Variants in LRRD1 observed in about 807,000 individuals in gnomAD.
LRRD1 encodes the protein leucine rich repeats and death domain containing 1.
In LRRD1, 49 loss-of-function variants were observed where a neutral mutation model predicts 69.5. That is an observed-to-expected ratio of 0.70 (90% CI 0.56 to 0.89). LRRD1 has a LOEUF of 0.89. Among genes scored for constraint, LRRD1 ranks in the 40% least tolerant of loss-of-function variants. The pLI is 0.00. For synonymous variants in LRRD1, 303 were observed against 338.9 expected (o/e 0.89, Z 1.16); for missense variants, 853 against 956.0 (o/e 0.89, Z 1.42).
Position 92,167,903 on chromosome 7 carries a change from AAAAAAT to A in LRRD1, c.-74-2633_-74-2628del, listed in dbSNP as rs1315806964. On this transcript the variant is annotated intron_variant, in intron 1 of 5. Transcript: ENST00000458448. Reference sequence around the variant, plus strand: ...AAAAAAAAAAAAAAAAAAAAAAAAAAAAAAATAAGTTATTCTGCTCTAAGATTCTGT... The same window carrying A: ...AAAAAAAAAAAAAAAAAAAAAAAAAAAAGTTATTCTGCTCTAAGATTCTGT... Among the ~76,000 whole-genome samples, 476 of 143,514 alleles carry A rather than the reference AAAAAAT, an allele frequency of 3.3e-3. 22 individuals are homozygous for A. Among genetic ancestry groups the A allele is most frequent in the African/African-American group, 0.013 (456 of 35,660 alleles). The allele number at this position is 143,514 out of a possible 152,430, so 94.2% of individuals were successfully genotyped here.
At chr7:92,141,916 A>AGGCCGGGCG (rs1820157699), downstream of LRRD1, 1 of 152,314 alleles carries the variant, frequency 6.6e-6, no homozygotes, top group Non-Finnish European at 1.5e-5. Flanking sequence ...ATTATTTTTT[A>AGGCCGGGCG]AGGTAACAAA....
chr7:92,147,854 C>T (rs993180593), intron 4 of LRRD1, among the ~76,000 whole-genome samples: 16 of 152,136 alleles, frequency 1.1e-4, no homozygotes, highest in African/African-American at 3.4e-4. Context: ...ACTTCACCCC[C>T]GCAAGTAGCT....
At chr7:92,149,490 T>C (rs1176485194) in intron 4 of LRRD1, among the ~76,000 whole-genome samples, 1 of 152,154 alleles carries the variant, frequency 6.6e-6, no homozygotes, top group African/African-American at 2.4e-5. Flanking sequence ...AATTGGACAG[T>C]GAAGATTCCC....
intron 1 of LRRD1, among the ~76,000 whole-genome samples, chr7:92,167,524 T>A (rs1191268591): frequency 6.6e-6 from 1 of 151,750 alleles, no homozygotes; most frequent in Non-Finnish European, 1.5e-5. Flanking sequence ...AATAGAAAAA[T>A]TTTTAAAGTA....
downstream of LRRD1, chr7:92,142,303 G>A (rs1172067356): frequency 5.5e-6 from 2 of 361,288 alleles, no homozygotes; most frequent in Non-Finnish European, 1.1e-5. Context: ...GGAAACCCAG[G>A]TCACACTCCT....
chr7:92,153,186 T>G (rs2130990774), intron 3 of LRRD1, among the ~76,000 whole-genome samples: 1 of 152,176 alleles, frequency 6.6e-6, no homozygotes, highest in East Asian at 1.9e-4. Flanking sequence ...TGCCTCAGCC[T>G]CCCGAGTAGC....
chr7:92,176,907 A>G (rs1279163226), intron 1 of LRRD1, among the ~76,000 whole-genome samples: 1 of 150,868 alleles, frequency 6.6e-6, no homozygotes, highest in Non-Finnish European at 1.5e-5. Context: ...GGATAAGTCA[A>G]ACTTGGTTAT....
At chr7:92,146,029 G>T in intron 5 of LRRD1, 54 bp downstream of exon 5, 1 of 915,604 alleles carries the variant, frequency 1.1e-6, no homozygotes, top group Non-Finnish European at 1.6e-6. Context: ...ATATCAACAT[G>T]ATATACATCA....
intron 1 of LRRD1, among the ~76,000 whole-genome samples, chr7:92,174,498 TATATATATA>T (rs1563195785): frequency 1.0e-3 from 22 of 21,502 alleles, no homozygotes; most frequent in African/African-American, 2.8e-3. Flanking sequence ...TATATATATA[TATATATATA>T]TATTTTTTTT....
chr7:92,146,287 G>T (rs553691241), intron 4 of LRRD1, 87 bp from the exon 5 acceptor site: 7 of 671,104 alleles, frequency 1.0e-5, no homozygotes, highest in Non-Finnish European at 1.7e-5. Flanking sequence ...TCTTATTTCT[G>T]TGCTTCTATG....
chr7:92,144,698 C>A, downstream of LRRD1: 2 of 261,814 alleles, frequency 7.6e-6, no homozygotes, highest in South Asian at 1.5e-4. Context: ...ACAGAACAAA[C>A]ACACAAAACA....
At chr7:92,144,609 A>C (rs986601285), downstream of LRRD1, among the ~76,000 whole-genome samples, 3 of 148,100 alleles carry the variant, frequency 2.0e-5, no homozygotes, top group Non-Finnish European at 4.5e-5. Flanking sequence ...CCTGGGCAAC[A>C]AGAGCAAAAA....
intron 4 of LRRD1, 112 bp downstream of exon 4, chr7:92,150,422 G>T: frequency 1.1e-6 from 1 of 897,012 alleles, no homozygotes. Flanking sequence ...TCGTGATCAT[G>T]CCACTGCAGT....
At chr7:92,169,272 T>A (rs1788995527) in intron 1 of LRRD1, among the ~76,000 whole-genome samples, 1 of 151,810 alleles carries the variant, frequency 6.6e-6, no homozygotes, top group African/African-American at 2.4e-5. Flanking sequence ...AAAACAGTGA[T>A]CTCAAAAATA....
intron 1 of LRRD1, among the ~76,000 whole-genome samples, chr7:92,177,605 G>A (rs1680772088): frequency 6.6e-6 from 1 of 152,160 alleles, no homozygotes; most frequent in Non-Finnish European, 1.5e-5. Context: ...AAGGCTGTCT[G>A]CTTGCAAGAT....
At position 92,165,165 on chromosome 7, in the gene LRRD1, T is replaced by G; in HGVS notation, c.38A>C (p.Asp13Ala). 6.5e-7 allele frequency: 1 copy of G among 1,545,630 alleles called. No homozygotes were observed. The highest frequency in any genetic ancestry group is 8.7e-7 in the Non-Finnish European group (1 of 1,144,202). Reference protein sequence around the residue: ...EKEGMSEVLEDTISQFRKESR... With the variant: ...EKEGMSEVLEATISQFRKESR... ...TTCTTTCCTAAATTGACTAATAGTA[T>G]CCTCTAGCACTTCTGACATACCCTC... is the stretch of plus-strand genomic sequence containing the variant. The change falls in exon 2 of 6, where the codon GAT becomes GCT. Residue 13 changes from aspartate (D) to alanine (A), a missense_variant. Transcript: ENST00000458448.
At chr7:92,152,065 A>G (rs559622806) in intron 3 of LRRD1, among the ~76,000 whole-genome samples, 30 of 149,980 alleles carry the variant, frequency 2.0e-4, no homozygotes, top group African/African-American at 7.3e-4. Flanking sequence ...ATTTATAAAT[A>G]TAGTTAAAGG....
intron 4 of LRRD1, among the ~76,000 whole-genome samples, chr7:92,146,571 TACACC>T (rs57071325): frequency 0.034 from 5,016 of 147,016 alleles, 247 homozygotes; most frequent in African/African-American, 0.12. Context: ...GAGCTGAGAC[TACACC>T]ACTGTACTCC....
intron 1 of LRRD1, among the ~76,000 whole-genome samples, chr7:92,176,017 G>T (rs1315046116): frequency 2.6e-5 from 4 of 152,116 alleles, no homozygotes; most frequent in African/African-American, 9.7e-5. Context: ...TGGATATCTG[G>T]TAGAGAAAGT....
Sources: allele counts gnomAD v4.1 joint callset (sites outside exome capture counted in the v4.1 genomes callset), GRCh38; gene constraint gnomAD v4.1.1; transcripts MANE v1.5; gene names NCBI Gene and HGNC (gene_info 2026-07-23, HGNC 2026-07-21).